Variants in MAGI2 observed in about 807,000 individuals in gnomAD.
MAGI2 encodes membrane associated guanylate kinase, WW and PDZ domain containing 2.
A neutral mutation model predicts 133.3 loss-of-function variants in MAGI2; 35 were observed. The ratio of observed to expected loss-of-function variants is 0.26; its 90% CI spans 0.20 to 0.35. MAGI2 has a LOEUF of 0.35. Among genes scored for constraint, MAGI2 ranks in the 10% least tolerant of loss-of-function variants. MAGI2 has a pLI of 1.00. For missense variants in MAGI2, 1,636 were observed against 1,863.4 expected, an observed-to-expected ratio of 0.88 and a Z score of 2.25; for synonymous variants, 729 against 710.6, an observed-to-expected ratio of 1.03 and a Z score of -0.41.
At chr7:78,027,666 T>C (rs982481018) in intron 21 of MAGI2, among the ~76,000 whole-genome samples, 16 of 150,338 alleles carry the variant, frequency 1.1e-4, no homozygotes, top group African/African-American at 3.9e-4. Context: ...AAAAGAAATA[T>C]GACCTGCAAT....
intron 3 of MAGI2, among the ~76,000 whole-genome samples, chr7:78,603,866 G>A (rs1436961178): frequency 1.3e-5 from 2 of 152,092 alleles, no homozygotes; most frequent in African/African-American, 2.4e-5. Context: ...TATACAATGA[G>A]ACCTATTTGT....
intron 1 of MAGI2, among the ~76,000 whole-genome samples, chr7:79,371,283 T>C (rs1379481952): frequency 6.6e-6 from 1 of 152,108 alleles, no homozygotes; most frequent in Non-Finnish European, 1.5e-5. Context: ...TTTAAGTTAG[T>C]AAATGTTTAA....
At chr7:78,619,813 G>C (rs996603379) in intron 3 of MAGI2, among the ~76,000 whole-genome samples, 4 of 151,782 alleles carry the variant, frequency 2.6e-5, no homozygotes, top group Admixed American at 2.6e-4. Flanking sequence ...AACCTTAAAG[G>C]GGTATAAAAC....
intron 9 of MAGI2, among the ~76,000 whole-genome samples, chr7:78,273,511 A>G (rs550579242): frequency 6.2e-4 from 95 of 152,240 alleles, no homozygotes; most frequent in Admixed American, 1.1e-3. Flanking sequence ...GTTCTCCTGG[A>G]TGATATCCTG....
At chr7:79,003,334 G>A (rs550560568) in intron 2 of MAGI2, among the ~76,000 whole-genome samples, 2 of 152,084 alleles carry the variant, frequency 1.3e-5, no homozygotes, top group Non-Finnish European at 2.9e-5. Flanking sequence ...GTTGTAAGCA[G>A]AATTACTCAG....
intron 1 of MAGI2, among the ~76,000 whole-genome samples, chr7:79,062,557 A>G (rs898042242): frequency 1.3e-5 from 2 of 152,290 alleles, no homozygotes; most frequent in African/African-American, 4.8e-5. Context: ...GTTTTGAAAA[A>G]TGCAAAAGAT....
chr7:78,877,801 G>C (rs1017882245), intron 2 of MAGI2, among the ~76,000 whole-genome samples: 2 of 152,200 alleles, frequency 1.3e-5, no homozygotes, highest in African/African-American at 4.8e-5. Flanking sequence ...TTACATGATT[G>C]ATTTAATTTA....
intron 21 of MAGI2, among the ~76,000 whole-genome samples, chr7:78,067,705 G>A (rs1813986229): frequency 1.3e-5 from 2 of 152,194 alleles, no homozygotes; most frequent in African/African-American, 4.8e-5. Context: ...TGTAGTTAGA[G>A]CATACAATTA....
intron 2 of MAGI2, among the ~76,000 whole-genome samples, chr7:78,769,994 C>A (rs1825419815): frequency 6.6e-6 from 1 of 152,178 alleles, no homozygotes. Context: ...TCTCCACGTT[C>A]TTGACTAATA....
chr7:78,767,572 G>A (rs576696675), intron 2 of MAGI2, among the ~76,000 whole-genome samples: 1 of 152,096 alleles, frequency 6.6e-6, no homozygotes, highest in South Asian at 2.1e-4. Flanking sequence ...TTTAAAAATT[G>A]AAAAGAGAGT....
At chr7:78,996,752 T>A (rs142230261) in intron 2 of MAGI2, among the ~76,000 whole-genome samples, 1 of 152,198 alleles carries the variant, frequency 6.6e-6, no homozygotes, top group Non-Finnish European at 1.5e-5. Context: ...TTCCCTGTAG[T>A]TGCCAATTCT....
At chr7:78,331,842 C>T (rs1486397960) in intron 9 of MAGI2, among the ~76,000 whole-genome samples, 2 of 152,126 alleles carry the variant, frequency 1.3e-5, no homozygotes, top group African/African-American at 4.8e-5. Flanking sequence ...CTCAGAGGGC[C>T]AGTGAGCCTT....
chr7:78,694,140 G>C (rs887976980), intron 2 of MAGI2, among the ~76,000 whole-genome samples: 2 of 152,036 alleles, frequency 1.3e-5, no homozygotes, highest in Non-Finnish European at 2.9e-5. Flanking sequence ...ATTTTGTAGG[G>C]TTGTCAGGAG....
intron 3 of MAGI2, among the ~76,000 whole-genome samples, chr7:78,562,719 G>A (rs568975117): frequency 7.9e-5 from 12 of 152,262 alleles, no homozygotes; most frequent in Admixed American, 1.3e-4. Context: ...GCCACTACAA[G>A]ATAATGTCCT....
chr7:79,448,408 T>G (rs1849010054), intron 1 of MAGI2, among the ~76,000 whole-genome samples: 1 of 152,112 alleles, frequency 6.6e-6, no homozygotes, highest in East Asian at 1.9e-4. Flanking sequence ...TAAAAACACC[T>G]CATAATGTCA....
intron 1 of MAGI2, among the ~76,000 whole-genome samples, chr7:79,218,201 T>C (rs1464365071): frequency 6.6e-6 from 1 of 151,984 alleles, no homozygotes; most frequent in African/African-American, 2.4e-5. Flanking sequence ...ACTGCATGAA[T>C]ACTTTGTATT....
intron 2 of MAGI2, among the ~76,000 whole-genome samples, chr7:78,729,496 G>A (rs536479850): frequency 2.0e-5 from 3 of 152,260 alleles, no homozygotes; most frequent in East Asian, 1.9e-4. Flanking sequence ...AAGGGAGAAG[G>A]CATCTTGGCC....
At chr7:78,105,188 G>C (rs1291756488) in intron 20 of MAGI2, among the ~76,000 whole-genome samples, 1 of 152,004 alleles carries the variant, frequency 6.6e-6, no homozygotes, top group Non-Finnish European at 1.5e-5. Flanking sequence ...TATTACTATA[G>C]TGTATTCATT....
chr7:78,895,727 G>A (rs1797163056), intron 2 of MAGI2, among the ~76,000 whole-genome samples: 1 of 152,172 alleles, frequency 6.6e-6, no homozygotes. Flanking sequence ...TATTCAAAAG[G>A]TTGAGAGAGC....
Sources: allele counts gnomAD v4.1 joint callset (sites outside exome capture counted in the v4.1 genomes callset), GRCh38; gene constraint gnomAD v4.1.1; transcripts MANE v1.5; gene names NCBI Gene and HGNC (gene_info 2026-07-23, HGNC 2026-07-21).